The following ATG2B variants were observed in gnomAD, a reference collection of about 807,000 sequenced individuals.
ATG2B encodes autophagy-related protein 2 homolog B.
In ATG2B, 121 loss-of-function variants were observed where a neutral mutation model predicts 241.3. The observed-to-expected ratio is 0.50, with a 90% CI of 0.43 to 0.58. ATG2B has a LOEUF of 0.58. Among genes scored for constraint, ATG2B ranks in the 20% least tolerant of loss-of-function variants. The pLI, the probability that ATG2B is intolerant of heterozygous loss-of-function variation, is 0.00. For missense variants in ATG2B, 2,306 were observed against 2,491.6 expected (o/e 0.93, Z 1.59); for synonymous variants, 858 against 876.6 (o/e 0.98, Z 0.37).
chr14:96,311,122 A>G lies in ATG2B; in HGVS notation c.4156T>C (p.Ser1386Pro). ...DMKPGAFQRR[S>P]KVDSSGRSSS... ...AATCACATTGCTGACTGTACCTTAGACCTTCTTTGAAAGGCTCCAGGCTTC... is the reference window on the plus strand; with the variant it reads ...AATCACATTGCTGACTGTACCTTAGGCCTTCTTTGAAAGGCTCCAGGCTTC... The change falls in exon 28 of 42, where the codon TCT becomes CCT. Residue 1386 changes from serine (S) to proline (P), a missense_variant. Transcript: ENST00000359933. 6.2e-7 allele frequency: 1 copy of G among 1,611,278 alleles called. No individual in the cohort carries two copies. Among genetic ancestry groups the G allele is most frequent in the Non-Finnish European group, 8.5e-7 (1 of 1,178,480 alleles).
chr14:96,331,243 T>C (rs1887722932), intron 11 of ATG2B, 133 bp downstream of exon 11: 2 of 877,332 alleles, frequency 2.3e-6, no homozygotes, highest in Non-Finnish European at 1.7e-6. Flanking sequence ...ATTCCATTCA[T>C]TTACAAATAA....
chr14:96,286,070 C>T, intron 41 of ATG2B, 85 bp from the exon 42 acceptor site: 1 of 987,380 alleles, frequency 1.0e-6, no homozygotes, highest in Admixed American at 2.4e-5. Flanking sequence ...GCAGTACACA[C>T]TTTTAAAGCA....
Position 96,306,887 on chromosome 14 carries a change from C to T in ATG2B, c.4333G>A (p.Glu1445Lys). 2 of 1,613,168 alleles carry T rather than the reference C, an allele frequency of 1.2e-6. No individual in the cohort carries two copies. Among genetic ancestry groups the T allele is most frequent in the Middle Eastern group, 1.6e-4 (1 of 6,062 alleles). Residue 1445 changes from glutamate to lysine, a missense_variant, in exon 30 of 42, where the codon GAG becomes AAG. By Grantham distance (56) the Glu-to-Lys change is moderately conservative. Transcript: ENST00000359933. ...GVLDEKSQIQ[E>K]PCCSDLFLFP... Reference sequence around the variant, plus strand: ...AGGAAGAGGTCTGAACAACATGGCTCCTGAATTTGAGATTTTTCATCCAAA... The same window carrying T: ...AGGAAGAGGTCTGAACAACATGGCTTCTGAATTTGAGATTTTTCATCCAAA...
At position 96,328,778 on chromosome 14, in the gene ATG2B, A is replaced by G. The variant is rs1362898086; in HGVS notation, c.1882-12T>C. Reference sequence around the variant, plus strand: ...TGGAACGTTAAAAGCTTAAAAGTAAAGATGAAGATAAATTAAATGTATTAA... The same window carrying G: ...TGGAACGTTAAAAGCTTAAAAGTAAGGATGAAGATAAATTAAATGTATTAA... On this transcript the variant is annotated splice_polypyrimidine_tract_variant and intron_variant, in intron 12 of 41. Transcript: ENST00000359933. The G allele has an allele frequency of 5.1e-6, 8 of 1,577,272 alleles. No homozygotes were observed. The highest frequency in any genetic ancestry group is 1.1e-5 in the South Asian group (1 of 87,076).
Position 96,348,481 on chromosome 14 carries a change from G to A in ATG2B, c.163-1140C>T, listed in dbSNP as rs755366925. 4.0e-4 allele frequency among the ~76,000 whole-genome samples: 61 copies of A among 152,014 alleles called. 1 individual carries two copies. Among genetic ancestry groups the A allele is most frequent in the South Asian group, 2.1e-4 (1 of 4,816 alleles). ...GCAGATCTCTCGAGGTCAGCAGTTC[G>A]AGACCAGCCTGGCCAACATGGTGAA... On this transcript the variant is annotated intron_variant, in intron 1 of 41. Coordinates refer to ENST00000359933, the MANE Select transcript of ATG2B (RefSeq NM_018036.7).
chr14:96,332,416 A>G lies in ATG2B; in HGVS notation c.1363-6T>C. 6.2e-7 allele frequency: 1 copy of G among 1,613,562 alleles called. No individual in the cohort carries two copies. Among genetic ancestry groups the G allele is most frequent in the Non-Finnish European group, 8.5e-7 (1 of 1,179,678 alleles). The stretch of plus-strand genomic sequence containing the variant: ...TCTCCCCAAGTGGGCTGAAGCTATA[A>G]AAGATTTTTTTTAAGCACATGAATG... On this transcript the variant is annotated splice_region_variant and splice_polypyrimidine_tract_variant and intron_variant, in intron 9 of 41. Coordinates refer to ENST00000359933, the MANE Select transcript of ATG2B (RefSeq NM_018036.7).
intron 34 of ATG2B, among the ~76,000 whole-genome samples, chr14:96,301,394 C>T (rs987920230): frequency 2.0e-5 from 3 of 152,166 alleles, no homozygotes; most frequent in Non-Finnish European, 4.4e-5. Context: ...ACCTTGGCTG[C>T]GCATCCTATT....
In ATG2B at chr14:96,280,469, T is replaced by C. The variant is rs1000391938; in HGVS notation, c.*5286A>G. ...AGTAAGCATCTCACAATTGTCCCCA[T>C]CCCTTTTTTCAACAAGAGCCATGGG... On this transcript the variant is annotated 3_prime_UTR_variant, in exon 42 of 42. Coordinates refer to ENST00000359933, the MANE Select transcript of ATG2B (RefSeq NM_018036.7). 1 of 152,166 alleles carries C rather than the reference T, an allele frequency of 6.6e-6. No individual in the cohort carries two copies. The highest frequency in any genetic ancestry group is 1.5e-5 in the Non-Finnish European group (1 of 68,028). 9.4% of individuals were successfully genotyped at this position (152,166 alleles called of 1,614,324 possible). A position where few individuals can be genotyped will look rare whatever the true frequency, so the allele number is the denominator to read the frequency against.
At chr14:96,354,939 T>C (rs554976128) in intron 1 of ATG2B, among the ~76,000 whole-genome samples, 3 of 152,226 alleles carry the variant, frequency 2.0e-5, no homozygotes, top group Non-Finnish European at 4.4e-5. Flanking sequence ...ACATGTATGT[T>C]GTCTTTTCAG....
chr14:96,319,911 G>A (rs78842319), intron 18 of ATG2B, among the ~76,000 whole-genome samples: 1,567 of 152,266 alleles, frequency 0.01, 35 homozygotes, highest in African/African-American at 0.036. Flanking sequence ...TGCAAACCCT[G>A]AGGAAGTTAG....
chr14:96,325,583 T>C (rs1390007475), intron 15 of ATG2B, 66 bp downstream of exon 15: 2 of 1,440,360 alleles, frequency 1.4e-6, no homozygotes, highest in South Asian at 1.3e-5. Context: ...ACTTTTGTGA[T>C]GTTAAGTTTC....
chr14:96,322,145 G>A lies in ATG2B; in HGVS notation c.2846C>T (p.Pro949Leu), dbSNP rs1168500200. ...LTLPNIYVTL[P>L]NKSFYEKLYN... ...AAGCTTCTCATAAAAGCTCTTATTA[G>A]GTAGTGTTACATAAATATTTGGTAA... Residue 949 changes from proline (P) to leucine (L), a missense_variant, in exon 18 of 42, where the codon CCT becomes CTT. Around this residue, in one of 2 missense-constraint regions of ATG2B, gnomAD observed 1,927 missense variants for 2,011.2 expected, o/e 0.96. Transcript: ENST00000359933. 3.8e-6 allele frequency: 6 copies of A among 1,562,814 alleles called. No homozygotes were observed. The highest frequency in any genetic ancestry group is 5.2e-6 in the Non-Finnish European group (6 of 1,161,454).
chr14:96,349,483 G>C (rs1042134585), intron 1 of ATG2B, among the ~76,000 whole-genome samples: 1 of 152,224 alleles, frequency 6.6e-6, no homozygotes, highest in East Asian at 1.9e-4. Context: ...AAGGGAAGAT[G>C]CCAGCAGGAA....
intron 34 of ATG2B, among the ~76,000 whole-genome samples, chr14:96,297,063 T>C (rs556813951): frequency 3.9e-5 from 6 of 152,310 alleles, no homozygotes; most frequent in African/African-American, 1.4e-4. Context: ...TTGTTCATTA[T>C]ATTGTTATGC....
At position 96,331,422 on chromosome 14, in the gene ATG2B, A is replaced by C; in HGVS notation, c.1684T>G (p.Ser562Ala). 1 of 1,614,098 alleles carries C rather than the reference A, an allele frequency of 6.2e-7. No homozygotes were observed. Residue 562 changes from serine to alanine, a missense_variant, in exon 11 of 42, where the codon TCT (serine) becomes GCT (alanine). Physicochemically the swap from Ser to Ala is moderately conservative, Grantham distance 99. Around this residue, in one of 2 missense-constraint regions of ATG2B, gnomAD observed 1,927 missense variants for 2,011.2 expected, o/e 0.96. Transcript: ENST00000359933. ...GCTTCTGCAAACACTGCTCGGAAAG[A>C]CTTAAAATCTTCTGTTGAAAATCTT... ...PARFSTEDFK[S>A]FRAVFAEACS...
At position 96,290,771 on chromosome 14, in the gene ATG2B, G is replaced by A. The variant is rs1195012287; in HGVS notation, c.5701+43C>T. 5.0e-6 allele frequency: 8 copies of A among 1,586,790 alleles called. No homozygotes were observed. The highest frequency in any genetic ancestry group is 4.3e-6 in the Non-Finnish European group (5 of 1,168,944). On this transcript the variant is annotated intron_variant, in intron 39 of 41. Transcript: ENST00000359933. This position sits in a 1 kb window ranked among gnomAD's most constrained non-coding sequence, Gnocchi z 4.4. ...TCAAAGGGATAAGAATTACTCATCT[G>A]AAAAAATAACTTATCTTTTGATTAA...
intron 29 of ATG2B, among the ~76,000 whole-genome samples, 184 bp downstream of exon 29, chr14:96,309,269 G>A (rs926285812): frequency 3.6e-4 from 54 of 152,054 alleles, no homozygotes; most frequent in African/African-American, 1.3e-3. Flanking sequence ...CTGCATTCCC[G>A]ACACCAGCCT....
chr14:96,297,300 A>G (rs1268761021), intron 34 of ATG2B, among the ~76,000 whole-genome samples: 2 of 152,114 alleles, frequency 1.3e-5, no homozygotes, highest in African/African-American at 4.8e-5. Context: ...CTTTAAAAAA[A>G]AAAAAGGGAG....
rs1430441944 is a variant in ATG2B, at chr14:96,354,794, TTTG to T, written c.163-7456_163-7454del. Reference sequence around the variant, plus strand: ...ATCTCACCAGCCCGTGTGTTTTGTTTTTGTTGTTATTGTTGTTGTTTTACTTTT... The same window carrying T: ...ATCTCACCAGCCCGTGTGTTTTGTTTTTGTTATTGTTGTTGTTTTACTTTT... On this transcript the variant is annotated intron_variant, in intron 1 of 41. Transcript: ENST00000359933. Among the ~76,000 whole-genome samples, 46 of 152,300 alleles carry T rather than the reference TTTG, an allele frequency of 3.0e-4. No individual in the cohort carries two copies. The East Asian group carries it at 8.3e-3, about 27-fold the overall frequency.
Sources: allele counts gnomAD v4.1 joint callset (sites outside exome capture counted in the v4.1 genomes callset), GRCh38; gene constraint gnomAD v4.1.1; regional missense constraint gnomAD v4.1.1; non-coding constraint Gnocchi (gnomAD v3.1); transcripts MANE v1.5; gene names NCBI Gene and HGNC (gene_info 2026-07-23, HGNC 2026-07-21).